The following GALNT13 variants were observed in gnomAD, a reference collection of about 807,000 sequenced individuals.
GALNT13 encodes the protein UDP-GalNAc:polypeptide N-acetylgalactosaminyltransferase 13.
GALNT13 carries 28 observed loss-of-function variants against 64.2 expected under a neutral mutation model. The ratio of observed to expected loss-of-function variants is 0.44; its 90% CI spans 0.32 to 0.60. The LOEUF (loss-of-function observed/expected upper bound fraction) is 0.60. Among genes scored for constraint, GALNT13 ranks in the 20% least tolerant of loss-of-function variants. GALNT13 has a pLI of 0.05. For missense variants in GALNT13, 577 were observed against 669.8 expected, an observed-to-expected ratio of 0.86 and a Z score of 1.53; for synonymous variants, 214 against 224.6, an observed-to-expected ratio of 0.95 and a Z score of 0.42.
At chr2:153,290,809 A>G in the GALNT13 span, among the ~76,000 whole-genome samples, 1 of 152,148 alleles carries the variant, frequency 6.6e-6, no homozygotes, top group East Asian at 1.9e-4. Flanking sequence ...AGTGCTACAA[A>G]TTTTTATGTA....
At chr2:154,089,568 G>A (rs1432522907) in intron 3 of GALNT13, among the ~76,000 whole-genome samples, 1 of 152,026 alleles carries the variant, frequency 6.6e-6, no homozygotes, top group Non-Finnish European at 1.5e-5. Flanking sequence ...AAACACTGGT[G>A]CTCTGCCCTT....
At chr2:153,077,681 T>G in the GALNT13 span, among the ~76,000 whole-genome samples, 7 of 152,200 alleles carry the variant, frequency 4.6e-5, no homozygotes, top group African/African-American at 1.7e-4. Context: ...TTTGGAATTG[T>G]GTTACTTTTA....
chr2:153,521,994 C>A, the GALNT13 span, among the ~76,000 whole-genome samples: 1 of 152,092 alleles, frequency 6.6e-6, no homozygotes, highest in Non-Finnish European at 1.5e-5. Context: ...AACTAAACTC[C>A]TATAAACATC....
At chr2:154,408,427 G>T (rs183951632) in intron 10 of GALNT13, among the ~76,000 whole-genome samples, 92 of 152,104 alleles carry the variant, frequency 6.0e-4, no homozygotes, top group Non-Finnish European at 1.0e-3. Context: ...TTCCCAATAA[G>T]TTTGACATTA....
intron 2 of GALNT13, among the ~76,000 whole-genome samples, chr2:153,926,813 G>A (rs1281940514): frequency 6.6e-6 from 1 of 151,966 alleles, no homozygotes; most frequent in Non-Finnish European, 1.5e-5. Context: ...TATTATTGGT[G>A]ATTTTCTTAT....
chr2:153,971,673 C>G (rs1693752435), intron 3 of GALNT13, among the ~76,000 whole-genome samples: 1 of 152,070 alleles, frequency 6.6e-6, no homozygotes, highest in Non-Finnish European at 1.5e-5. Context: ...TTTCCAACAA[C>G]TGAAAGCTTC....
intron 9 of GALNT13, among the ~76,000 whole-genome samples, chr2:154,306,022 T>A (rs1029969589): frequency 6.6e-6 from 1 of 152,194 alleles, no homozygotes; most frequent in Non-Finnish European, 1.5e-5. Context: ...GTCTGGTTTA[T>A]ACCAGGGAGA....
chr2:153,381,891 A>G, the GALNT13 span, among the ~76,000 whole-genome samples: 1 of 152,084 alleles, frequency 6.6e-6, no homozygotes. Flanking sequence ...CCTGGCAGAA[A>G]CAAAGCACTG....
chr2:153,569,747 A>G, the GALNT13 span, among the ~76,000 whole-genome samples: 4 of 152,114 alleles, frequency 2.6e-5, no homozygotes, highest in African/African-American at 7.2e-5. Context: ...ATTATTAACT[A>G]TAGTCACTCT....
chr2:154,116,887 T>C lies in GALNT13; in HGVS notation c.143-23450T>C, dbSNP rs548759557. 1.1e-4 allele frequency among the ~76,000 whole-genome samples: 17 copies of C among 152,228 alleles called. No homozygotes were observed. In the South Asian group the frequency reaches 3.5e-3, roughly 32 times the overall value. ...GTGTTCTCTAGAGGAAAAGAACTAA[T>C]AAGATAGTTAGATAGATATAAAGGG... is the stretch of plus-strand genomic sequence containing the variant. On this transcript the variant is annotated intron_variant, in intron 3 of 12. Coordinates refer to ENST00000392825, the MANE Select transcript of GALNT13 (RefSeq NM_052917.4).
chr2:154,118,316 C>A (rs1558968000), intron 3 of GALNT13, among the ~76,000 whole-genome samples: 2 of 105,384 alleles, frequency 1.9e-5, no homozygotes, highest in African/African-American at 8.9e-5. Context: ...TACTTAAAGT[C>A]TATTTTTTTT....
intron 8 of GALNT13, among the ~76,000 whole-genome samples, chr2:154,268,510 A>G (rs1691145278): frequency 1.3e-5 from 2 of 152,150 alleles, no homozygotes; most frequent in Admixed American, 1.3e-4. Context: ...TGACAGCCTC[A>G]CAAGTTTCAC....
At chr2:154,417,441 T>G (rs1700061047) in intron 11 of GALNT13, among the ~76,000 whole-genome samples, 1 of 151,104 alleles carries the variant, frequency 6.6e-6, no homozygotes, top group African/African-American at 2.4e-5. Context: ...GTTGTTTTTC[T>G]TATAGCTTTG....
chr2:153,564,972 G>A, the GALNT13 span, among the ~76,000 whole-genome samples: 1 of 152,098 alleles, frequency 6.6e-6, no homozygotes, highest in African/African-American at 2.4e-5. Context: ...CAGCCTTAGC[G>A]CCTAAGGGTG....
the GALNT13 span, among the ~76,000 whole-genome samples, chr2:153,399,361 A>G: frequency 1.3e-5 from 2 of 151,950 alleles, no homozygotes; most frequent in Non-Finnish European, 2.9e-5. Context: ...GTAGTGTGAT[A>G]CCTCCAGCTT....
chr2:153,154,318 G>A, the GALNT13 span, among the ~76,000 whole-genome samples: 421 of 152,230 alleles, frequency 2.8e-3, 5 homozygotes, highest in Admixed American at 0.015. Flanking sequence ...CACGTAAGAC[G>A]TGCCTTTGCT....
chr2:153,533,514 G>T, the GALNT13 span, among the ~76,000 whole-genome samples: 1 of 151,906 alleles, frequency 6.6e-6, no homozygotes, highest in Non-Finnish European at 1.5e-5. Flanking sequence ...TCCTCCCAAA[G>T]TGCTGGATTA....
At chr2:153,372,700 C>T in the GALNT13 span, among the ~76,000 whole-genome samples, 3 of 151,760 alleles carry the variant, frequency 2.0e-5, no homozygotes, top group African/African-American at 7.3e-5. Flanking sequence ...TTTTAACACT[C>T]TCTCTCATGC....
intron 3 of GALNT13, among the ~76,000 whole-genome samples, chr2:154,015,441 T>C (rs1477582936): frequency 6.6e-6 from 1 of 152,234 alleles, no homozygotes; most frequent in African/African-American, 2.4e-5. Context: ...ATTCTGCCAC[T>C]ATATCAATAA....
Sources: allele counts gnomAD v4.1 joint callset (sites outside exome capture counted in the v4.1 genomes callset), GRCh38; gene constraint gnomAD v4.1.1; transcripts MANE v1.5; gene names NCBI Gene and HGNC (gene_info 2026-07-23, HGNC 2026-07-21).